DOCK5: variants seen among roughly 807,000 people sequenced by gnomAD.
DOCK5 encodes the protein dedicator of cytokinesis protein 5.
Under a neutral mutation model 251.8 loss-of-function variants are expected in DOCK5, and 142 were observed. That is an observed-to-expected ratio of 0.56 (90% CI 0.49 to 0.65). The LOEUF (loss-of-function observed/expected upper bound fraction) is 0.65, where lower values mean the gene tolerates loss of function less well. DOCK5 is among the 30% of genes least tolerant of loss of function. The pLI is 0.00. For synonymous variants in DOCK5, 842 were observed against 835.5 expected (o/e 1.01, Z -0.13); for missense variants, 2,111 against 2,312.3 (o/e 0.91, Z 1.79).
intron 24 of DOCK5, among the ~76,000 whole-genome samples, chr8:25,342,138 C>T (rs2117232775): frequency 6.6e-6 from 1 of 152,194 alleles, no homozygotes; most frequent in South Asian, 2.1e-4. Flanking sequence ...GCCAAGAAAG[C>T]CATTTTCATA....
chr8:25,385,267 C>T (rs1801144891), intron 40 of DOCK5, among the ~76,000 whole-genome samples: 1 of 152,114 alleles, frequency 6.6e-6, no homozygotes, highest in South Asian at 2.1e-4. Context: ...TCTCCATGGT[C>T]ATCCATGGAG....
intron 1 of DOCK5, among the ~76,000 whole-genome samples, chr8:25,211,577 C>T (rs150740551): frequency 0.043 from 2,879 of 67,360 alleles, 1,250 homozygotes; most frequent in Middle Eastern, 0.15. Flanking sequence ...GAGGCTGAGG[C>T]GGAAGGATCA....
At chr8:25,374,504 A>C (rs964176627) in intron 36 of DOCK5, 60 bp from the exon 37 acceptor site, 1 of 1,491,058 alleles carries the variant, frequency 6.7e-7, no homozygotes. Context: ...CTCAAAACAG[A>C]ACTAAAAAAC....
intron 1 of DOCK5, among the ~76,000 whole-genome samples, chr8:25,239,290 G>C (rs1052042876): frequency 5.3e-5 from 8 of 151,688 alleles, no homozygotes; most frequent in African/African-American, 1.9e-4. Flanking sequence ...TAGGTTTTAA[G>C]CAAACCGGTC....
rs145155979 is a variant in DOCK5, at chr8:25,214,217, G to A, written c.43+29266G>A. On this transcript the variant is annotated intron_variant, in intron 1 of 51. Transcript: ENST00000276440. ...GATTAGGGATGCTCAGCCCTTAGCAGGTTCTGTTGTCTCCCTCACTGACCC... is the reference window on the plus strand; with the variant it reads ...GATTAGGGATGCTCAGCCCTTAGCAAGTTCTGTTGTCTCCCTCACTGACCC... 4.3e-3 allele frequency among the ~76,000 whole-genome samples: 652 copies of A among 152,262 alleles called. 5 individuals carry two copies. The highest frequency in any genetic ancestry group is 0.015 in the African/African-American group (621 of 41,540).
chr8:25,303,644 AC>A lies in DOCK5; in HGVS notation c.977-609del, dbSNP rs575290975. On this transcript the variant is annotated intron_variant, in intron 10 of 51. Transcript: ENST00000276440. Reference sequence around the variant, plus strand: ...TTGGTTCCATACTTACTAAAAAGTAACCTGATGTTAAATTTCTCAAGAATTT... The same window carrying A: ...TTGGTTCCATACTTACTAAAAAGTAACTGATGTTAAATTTCTCAAGAATTT... Among the ~76,000 whole-genome samples, 466 of 152,256 alleles carry A rather than the reference AC, an allele frequency of 3.1e-3. 3 individuals carry two copies. Among genetic ancestry groups the A allele is most frequent in the African/African-American group, 0.01 (420 of 41,538 alleles).
Position 25,336,969 on chromosome 8 carries a change from A to G in DOCK5, c.2327+596A>G, listed in dbSNP as rs143211070. On this transcript the variant is annotated intron_variant, in intron 22 of 51. Transcript: ENST00000276440. ...AAATTTTTTTCTAAGGAAGAAAGAA[A>G]AGGTTTGTAGAATTGAGCATATGTA... is the stretch of plus-strand genomic sequence containing the variant. Among the ~76,000 whole-genome samples, 672 of 152,336 alleles carry G rather than the reference A, an allele frequency of 4.4e-3. 9 individuals carry two copies. The highest frequency in any genetic ancestry group is 0.024 in the South Asian group (115 of 4,820).
At chr8:25,343,353 A>G (rs1222714391) in intron 25 of DOCK5, among the ~76,000 whole-genome samples, 2 of 152,102 alleles carry the variant, frequency 1.3e-5, no homozygotes, top group Non-Finnish European at 2.9e-5. Context: ...TATTCTTGCC[A>G]GTTGTTTGTT....
intron 21 of DOCK5, among the ~76,000 whole-genome samples, chr8:25,335,097 C>T (rs140120835): frequency 3.3e-5 from 5 of 152,320 alleles, no homozygotes; most frequent in East Asian, 1.9e-4. Context: ...CACACCCACC[C>T]GTTGCCTTCC....
At chr8:25,309,833 A>G (rs1805042237) in intron 12 of DOCK5, among the ~76,000 whole-genome samples, 1 of 152,100 alleles carries the variant, frequency 6.6e-6, no homozygotes, top group Non-Finnish European at 1.5e-5. Context: ...ATAAAAAAAA[A>G]AGAAAGAAAG....
intron 11 of DOCK5, 108 bp downstream of exon 11, chr8:25,304,435 G>T: frequency 6.3e-6 from 6 of 954,426 alleles, no homozygotes; most frequent in Non-Finnish European, 9.1e-6. Flanking sequence ...GAGAAGGAAA[G>T]ATTCTAAGCT....
intron 5 of DOCK5, among the ~76,000 whole-genome samples, chr8:25,283,088 T>C (rs975084009): frequency 5.9e-5 from 9 of 152,284 alleles, no homozygotes; most frequent in African/African-American, 1.7e-4. Flanking sequence ...TGTGATTTAT[T>C]TTTAGCAGTT....
intron 1 of DOCK5, among the ~76,000 whole-genome samples, chr8:25,189,602 CCTT>C (rs1801524806): frequency 6.6e-6 from 1 of 152,130 alleles, no homozygotes; most frequent in South Asian, 2.1e-4. Context: ...CTCAAGCAGT[CCTT>C]CTGCCTCAGC....
At position 25,302,196 on chromosome 8, in the gene DOCK5, C is replaced by T. The variant is rs141918762; in HGVS notation, c.847-129C>T. 97 of 1,274,372 alleles carry T rather than the reference C, an allele frequency of 7.6e-5. No individual in the cohort carries two copies. The East Asian group carries it at 2.4e-3, about 31-fold the overall frequency. The allele number at this position is 1,274,372 out of a possible 1,614,324, so 78.9% of individuals were successfully genotyped here. A position where few individuals can be genotyped will look rare whatever the true frequency, so the allele number is the denominator to read the frequency against. ...GGATGGAGATGGGGGAGAAGAGAGT[C>T]GTTCTAATACTTCAGCATTGAGAAA... On this transcript the variant is annotated intron_variant, in intron 9 of 51. Transcript: ENST00000276440.
intron 1 of DOCK5, among the ~76,000 whole-genome samples, chr8:25,222,419 A>G (rs889417945): frequency 2.0e-5 from 3 of 152,132 alleles, no homozygotes; most frequent in African/African-American, 7.2e-5. Flanking sequence ...GAGCTCTCCT[A>G]GGAGTCAGGT....
chr8:25,340,416 T>A (rs1435126455), intron 22 of DOCK5, among the ~76,000 whole-genome samples: 1 of 152,252 alleles, frequency 6.6e-6, no homozygotes, highest in Non-Finnish European at 1.5e-5. Flanking sequence ...TGCCACCTAT[T>A]ATATGTGCAT....
chr8:25,226,258 CTTTTTTTT>C (rs1179597860), intron 1 of DOCK5, among the ~76,000 whole-genome samples: 8 of 116,942 alleles, frequency 6.8e-5, no homozygotes, highest in Non-Finnish European at 1.2e-4. Flanking sequence ...GTATAGGCTG[CTTTTTTTT>C]TTTTTTTTTT....
chr8:25,344,373 G>A (rs1800320051), intron 25 of DOCK5, among the ~76,000 whole-genome samples: 1 of 152,066 alleles, frequency 6.6e-6, no homozygotes, highest in Admixed American at 6.5e-5. Context: ...TACCTGGTCA[G>A]GGGCTCCCAG....
chr8:25,392,031 C>T lies in DOCK5; in HGVS notation c.4440+51C>T, dbSNP rs371311280. 56 of 1,533,530 alleles carry T rather than the reference C, an allele frequency of 3.7e-5. No individual in the cohort carries two copies. The East Asian group carries it at 5.1e-4, about 14-fold the overall frequency. 95.0% of individuals were successfully genotyped at this position (1,533,530 alleles called of 1,614,324 possible). A position where few individuals can be genotyped will look rare whatever the true frequency, so the allele number is the denominator to read the frequency against. ...AGAGGTAAAATTAACGGGCTGAGCA[C>T]GGTGGCTCACGCCTGTAATCCCAGC... is the stretch of plus-strand genomic sequence containing the variant. On this transcript the variant is annotated intron_variant, in intron 43 of 51. Coordinates refer to ENST00000276440, the MANE Select transcript of DOCK5 (RefSeq NM_024940.8).
Sources: allele counts gnomAD v4.1 joint callset (sites outside exome capture counted in the v4.1 genomes callset), GRCh38; gene constraint gnomAD v4.1.1; transcripts MANE v1.5; gene names NCBI Gene and HGNC (gene_info 2026-07-23, HGNC 2026-07-21).